The following AGBL4 variants were observed in gnomAD, a reference collection of about 807,000 sequenced individuals.
The protein encoded by AGBL4 is AGBL carboxypeptidase 4.
Under a neutral mutation model 66.4 loss-of-function variants are expected in AGBL4, and 58 were observed. The observed-to-expected ratio is 0.87, with a 90% confidence interval of 0.71 to 1.09. The LOEUF (loss-of-function observed/expected upper bound fraction) is 1.09. Ranked by LOEUF, AGBL4 falls within the 50% of genes least tolerant of loss-of-function variation. The pLI, the probability that AGBL4 is intolerant of heterozygous loss-of-function variation, is 0.00. For missense variants in AGBL4, 579 were observed against 631.0 expected (o/e 0.92, Z 0.88); for synonymous variants, 234 against 222.9 (o/e 1.05, Z -0.44).
At chr1:49,310,720 T>C (rs915006236) in intron 3 of AGBL4, among the ~76,000 whole-genome samples, 10 of 152,192 alleles carry the variant, frequency 6.6e-5, no homozygotes, top group Middle Eastern at 3.4e-3. Flanking sequence ...ACAGCATTTC[T>C]GTGTTCAAAG....
chr1:49,852,293 C>T (rs1646322942), intron 1 of AGBL4, among the ~76,000 whole-genome samples: 2 of 152,022 alleles, frequency 1.3e-5, no homozygotes, highest in South Asian at 4.1e-4. Context: ...TGGCAGAGCA[C>T]AAGAAGAAGT....
chr1:48,772,148 G>C (rs1048549174), intron 6 of AGBL4, among the ~76,000 whole-genome samples: 1 of 152,212 alleles, frequency 6.6e-6, no homozygotes, highest in Non-Finnish European at 1.5e-5. Context: ...CCCTGTCCTA[G>C]AGGAGTTCCC....
chr1:49,867,169 C>A (rs746161043), intron 1 of AGBL4, among the ~76,000 whole-genome samples: 3 of 151,986 alleles, frequency 2.0e-5, no homozygotes, highest in Admixed American at 6.6e-5. Context: ...TGTCTGCCAG[C>A]GAGTTTTCCT....
At chr1:49,134,505 C>A (rs1433114707) in intron 4 of AGBL4, among the ~76,000 whole-genome samples, 2 of 123,520 alleles carry the variant, frequency 1.6e-5, no homozygotes, top group Non-Finnish European at 3.2e-5. Flanking sequence ...GGAATGCATT[C>A]TTTTCCCAGG....
chr1:48,848,035 G>A (rs563393609), intron 6 of AGBL4, among the ~76,000 whole-genome samples: 1 of 152,204 alleles, frequency 6.6e-6, no homozygotes, highest in South Asian at 2.1e-4. Context: ...CTTTCTCAGA[G>A]GGAAGAAAGT....
chr1:49,210,020 A>C (rs1485492131), intron 4 of AGBL4, among the ~76,000 whole-genome samples: 2 of 152,130 alleles, frequency 1.3e-5, no homozygotes, highest in Non-Finnish European at 2.9e-5. Flanking sequence ...GTTTATGTTC[A>C]AGTGAAAAGT....
At chr1:48,759,461 T>A in intron 6 of AGBL4, 1 of 1,209,104 alleles carries the variant, frequency 8.3e-7, no homozygotes, top group Non-Finnish European at 1.1e-6. Context: ...AAACATTTTA[T>A]AAATTTTATA....
At chr1:48,634,361 A>C in intron 9 of AGBL4, 132 bp downstream of exon 9, 1 of 631,462 alleles carries the variant, frequency 1.6e-6, no homozygotes, top group South Asian at 2.2e-5. Context: ...AGAGAAGAGC[A>C]GGCCTAGTGC....
chr1:49,889,012 CAATT>C (rs1030150927), intron 1 of AGBL4, among the ~76,000 whole-genome samples: 7 of 152,134 alleles, frequency 4.6e-5, no homozygotes, highest in African/African-American at 1.2e-4. Flanking sequence ...ATATGTGAAA[CAATT>C]AAATTGTTCA....
chr1:49,522,175 A>AT (rs879259516), intron 3 of AGBL4, among the ~76,000 whole-genome samples: 4 of 151,948 alleles, frequency 2.6e-5, no homozygotes, highest in Non-Finnish European at 5.9e-5. Context: ...ATTGAGTTAG[A>AT]TTTTTTTTGT....
intron 5 of AGBL4, among the ~76,000 whole-genome samples, chr1:48,890,487 T>C (rs1650832386): frequency 6.6e-6 from 1 of 152,222 alleles, no homozygotes; most frequent in Non-Finnish European, 1.5e-5. Context: ...TCTCTCTTGC[T>C]CCAAGCAATA....
At chr1:48,614,520 A>G (rs1253061874) in intron 9 of AGBL4, among the ~76,000 whole-genome samples, 1 of 152,234 alleles carries the variant, frequency 6.6e-6, no homozygotes, top group Admixed American at 6.5e-5. Context: ...TTGAGAATCA[A>G]ATGAGGATAA....
At chr1:49,759,195 G>A (rs1315631508) in intron 2 of AGBL4, among the ~76,000 whole-genome samples, 2 of 152,090 alleles carry the variant, frequency 1.3e-5, no homozygotes, top group African/African-American at 4.8e-5. Context: ...CCCAGTCTCA[G>A]GCAATTCTTC....
chr1:48,577,300 A>G (rs764337168), intron 11 of AGBL4, among the ~76,000 whole-genome samples: 15 of 152,250 alleles, frequency 9.9e-5, no homozygotes, highest in Non-Finnish European at 1.9e-4. Context: ...GGAACCAACC[A>G]GGATTTATTT....
intron 3 of AGBL4, among the ~76,000 whole-genome samples, chr1:49,689,857 T>A (rs1418961506): frequency 2.0e-5 from 3 of 152,222 alleles, no homozygotes; most frequent in Admixed American, 2.0e-4. Flanking sequence ...CTTTTCATGA[T>A]TTGAGAGGAC....
chr1:48,898,779 T>C (rs1027983192), intron 5 of AGBL4, among the ~76,000 whole-genome samples: 2 of 152,204 alleles, frequency 1.3e-5, no homozygotes, highest in Non-Finnish European at 2.9e-5. Context: ...TTTGGGGCTT[T>C]TACGGTTCCA....
intron 6 of AGBL4, among the ~76,000 whole-genome samples, chr1:48,835,182 A>T (rs1399719192): frequency 2.6e-5 from 4 of 152,098 alleles, no homozygotes; most frequent in African/African-American, 9.7e-5. Flanking sequence ...GTTTGGCCCT[A>T]CTCAGTGAGG....
chr1:49,738,688 G>A (rs927129543), intron 2 of AGBL4, among the ~76,000 whole-genome samples: 3 of 152,172 alleles, frequency 2.0e-5, no homozygotes, highest in African/African-American at 7.2e-5. Flanking sequence ...ACACGGCCGG[G>A]TACTCCTCTG....
At chr1:49,884,763 G>T (rs960742036) in intron 1 of AGBL4, among the ~76,000 whole-genome samples, 5 of 151,560 alleles carry the variant, frequency 3.3e-5, no homozygotes, top group African/African-American at 1.2e-4. Context: ...GCTGACATTG[G>T]TTCTACAGCC....
Sources: allele counts gnomAD v4.1 joint callset (sites outside exome capture counted in the v4.1 genomes callset), GRCh38; gene constraint gnomAD v4.1.1; transcripts MANE v1.5; gene names NCBI Gene and HGNC (gene_info 2026-07-23, HGNC 2026-07-21).